PDE1C: variants seen among roughly 807,000 people sequenced by gnomAD.
PDE1C encodes the protein dual specificity calcium/calmodulin-dependent 3',5'-cyclic nucleotide phosphodiesterase 1C.
PDE1C carries 62 observed loss-of-function variants against 93.1 expected under a neutral mutation model. The observed-to-expected ratio is 0.67, with a 90% confidence interval of 0.54 to 0.82. The LOEUF is 0.82. Among genes scored for constraint, PDE1C ranks in the 40% least tolerant of loss-of-function variants. The pLI is 0.00. For synonymous variants in PDE1C, 325 were observed against 310.1 expected (o/e 1.05, Z -0.50); for missense variants, 742 against 884.6 (o/e 0.84, Z 2.04).
At chr7:31,928,565 TC>T (rs1429554674) in intron 2 of PDE1C, among the ~76,000 whole-genome samples, 1 of 152,170 alleles carries the variant, frequency 6.6e-6, no homozygotes, top group African/African-American at 2.4e-5. Context: ...GGGATGCCCA[TC>T]TAACTAACAG....
intron 3 of PDE1C, among the ~76,000 whole-genome samples, chr7:32,087,443 C>T (rs896801603): frequency 1.3e-4 from 20 of 152,056 alleles, no homozygotes; most frequent in African/African-American, 2.9e-4. Context: ...GTCAGTGTGG[C>T]GATTCCTCAG....
At chr7:31,876,729 GTAT>G in intron 5 of PDE1C, among the ~76,000 whole-genome samples, 1 of 152,188 alleles carries the variant, frequency 6.6e-6, no homozygotes, top group Non-Finnish European at 1.5e-5. Flanking sequence ...TTACACTGAA[GTAT>G]TGGGCATCAG....
At chr7:31,867,233 G>A (rs1795415689) in intron 6 of PDE1C, among the ~76,000 whole-genome samples, 1 of 152,002 alleles carries the variant, frequency 6.6e-6, no homozygotes, top group Non-Finnish European at 1.5e-5. Flanking sequence ...CCCCCCACCT[G>A]CAGCAGCTTC....
intron 1 of PDE1C, among the ~76,000 whole-genome samples, chr7:32,267,584 ACACTCTCTCTCTCTCT>A (rs1243909748): frequency 9.7e-5 from 11 of 113,154 alleles, no homozygotes; most frequent in South Asian, 6.6e-4. Context: ...ACACACACAC[ACACTCTCTCTCTCTCT>A]CTCTCTCTCT....
At chr7:32,240,304 A>G (rs978735973) in intron 1 of PDE1C, among the ~76,000 whole-genome samples, 1 of 152,232 alleles carries the variant, frequency 6.6e-6, no homozygotes, top group Non-Finnish European at 1.5e-5. Flanking sequence ...ACATGCCTCC[A>G]TTCTACAAAT....
chr7:31,692,490 C>A, the PDE1C span: 5 of 1,611,220 alleles, frequency 3.1e-6, no homozygotes, highest in Non-Finnish European at 4.2e-6. Context: ...AGAAGACAGA[C>A]TGGACAAGCT....
chr7:32,310,453 T>C (rs1339853933), intron 1 of PDE1C, among the ~76,000 whole-genome samples: 1 of 152,192 alleles, frequency 6.6e-6, no homozygotes, highest in African/African-American at 2.4e-5. Context: ...ATATACATTT[T>C]TTTCAGCACT....
At chr7:31,898,936 C>T (rs979306645) in intron 2 of PDE1C, among the ~76,000 whole-genome samples, 5 of 152,104 alleles carry the variant, frequency 3.3e-5, no homozygotes, top group Non-Finnish European at 5.9e-5. Flanking sequence ...ACTAGCGTGG[C>T]TTCCTCCATT....
intron 16 of PDE1C, among the ~76,000 whole-genome samples, chr7:31,801,341 C>T (rs953437468): frequency 1.3e-5 from 2 of 151,370 alleles, no homozygotes; most frequent in South Asian, 4.1e-4. Context: ...AACATCCTTT[C>T]AATTTAATTC....
At chr7:32,143,870 G>A (rs920774394) in intron 3 of PDE1C, among the ~76,000 whole-genome samples, 1 of 152,038 alleles carries the variant, frequency 6.6e-6, no homozygotes, top group Admixed American at 6.5e-5. Context: ...AAATTCTAAC[G>A]CACATGTAGC....
intron 2 of PDE1C, among the ~76,000 whole-genome samples, chr7:31,945,016 A>G (rs1288971410): frequency 6.6e-6 from 1 of 152,036 alleles, no homozygotes; most frequent in African/African-American, 2.4e-5. Flanking sequence ...ATATAATCTC[A>G]TTTTACTTTA....
At chr7:31,966,308 C>T (rs1809950159) in intron 2 of PDE1C, among the ~76,000 whole-genome samples, 1 of 152,132 alleles carries the variant, frequency 6.6e-6, no homozygotes, top group African/African-American at 2.4e-5. Flanking sequence ...GGGTTGCAAT[C>T]CTAGTCTCAG....
chr7:32,094,858 C>T (rs928401715), intron 3 of PDE1C, among the ~76,000 whole-genome samples: 1 of 152,180 alleles, frequency 6.6e-6, no homozygotes, highest in Non-Finnish European at 1.5e-5. Context: ...CATCTCCTCA[C>T]CAGCCCTGCA....
At chr7:32,147,678 T>G (rs1800977378) in intron 3 of PDE1C, among the ~76,000 whole-genome samples, 1 of 152,116 alleles carries the variant, frequency 6.6e-6, no homozygotes, top group South Asian at 2.1e-4. Context: ...CCTTCCATTT[T>G]AGGAACTTGG....
intron 16 of PDE1C, chr7:31,786,000 G>C (rs1479344204): frequency 2.6e-5 from 4 of 152,056 alleles, no homozygotes; most frequent in African/African-American, 9.7e-5. Flanking sequence ...CTTTCCATTT[G>C]TTCATGCATA....
chr7:31,944,592 C>T (rs981708936), intron 2 of PDE1C, among the ~76,000 whole-genome samples: 35 of 152,074 alleles, frequency 2.3e-4, no homozygotes, highest in African/African-American at 8.0e-4. Context: ...AAATACAGGC[C>T]GACAGCCTTA....
intron 1 of PDE1C, among the ~76,000 whole-genome samples, chr7:32,312,427 A>T (rs576766320): frequency 5.9e-5 from 9 of 152,236 alleles, no homozygotes; most frequent in Non-Finnish European, 1.2e-4. Context: ...TATGGAACCA[A>T]AAAAGAGCCC....
chr7:32,420,553 C>CA (rs35712470), intron 1 of PDE1C, among the ~76,000 whole-genome samples: 41 of 136,002 alleles, frequency 3.0e-4, no homozygotes, highest in South Asian at 5.0e-4. Flanking sequence ...GGCTCCATCT[C>CA]AAAAAAAAAA....
chr7:32,032,550 A>C (rs1181233123), intron 2 of PDE1C, among the ~76,000 whole-genome samples: 1 of 152,194 alleles, frequency 6.6e-6, no homozygotes, highest in African/African-American at 2.4e-5. Context: ...TACAAGATGA[A>C]TGCAAAGAGA....
Sources: allele counts gnomAD v4.1 joint callset (sites outside exome capture counted in the v4.1 genomes callset), GRCh38; gene constraint gnomAD v4.1.1; transcripts MANE v1.5; gene names NCBI Gene and HGNC (gene_info 2026-07-23, HGNC 2026-07-21).